The following LRP1B variants were observed in gnomAD, a reference collection of about 807,000 sequenced individuals.
LRP1B encodes LDL receptor related protein 1B.
Under a neutral mutation model 556.6 loss-of-function variants are expected in LRP1B, and 217 were observed. The ratio of observed to expected loss-of-function variants is 0.39; its 90% CI spans 0.35 to 0.44. The LOEUF (loss-of-function observed/expected upper bound fraction) is 0.44, where lower values mean the gene tolerates loss of function less well. LRP1B is among the 20% of genes least tolerant of loss of function. The pLI, the probability that LRP1B is intolerant of heterozygous loss-of-function variation, is 1.00. For synonymous variants in LRP1B, 2,047 were observed against 1,865.8 expected (o/e 1.10, Z -2.50); for missense variants, 5,053 against 5,620.8 (o/e 0.90, Z 3.23).
intron 3 of LRP1B, among the ~76,000 whole-genome samples, chr2:141,477,762 A>G (rs1320520080): frequency 6.6e-6 from 1 of 152,176 alleles, no homozygotes; most frequent in Non-Finnish European, 1.5e-5. Context: ...GTGCAAGGCC[A>G]GAAAAGAAGG....
rs111711501 is a variant in LRP1B, at chr2:140,499,006, G to A, written c.8850+2681C>T. On this transcript the variant is annotated intron_variant, in intron 55 of 90. Coordinates refer to ENST00000389484, the MANE Select transcript of LRP1B (RefSeq NM_018557.3). ...AGCAATTCTGTCTGATAACATATGCGCACACCTTGTGAAGGATTAAATACT... is the reference window on the plus strand; with the variant it reads ...AGCAATTCTGTCTGATAACATATGCACACACCTTGTGAAGGATTAAATACT... Among the ~76,000 whole-genome samples, 1,426 of 151,822 alleles carry A rather than the reference G, an allele frequency of 9.4e-3. 27 individuals carry two copies. The highest frequency in any genetic ancestry group is 0.032 in the African/African-American group (1,319 of 41,454).
chr2:141,866,996 T>C (rs1435254212), intron 1 of LRP1B, among the ~76,000 whole-genome samples: 1 of 152,126 alleles, frequency 6.6e-6, no homozygotes, highest in African/African-American at 2.4e-5. Flanking sequence ...TGGAAGTAGG[T>C]TTCTTTGGAC....
chr2:141,656,670 T>C (rs1690021573), intron 2 of LRP1B, among the ~76,000 whole-genome samples: 1 of 152,192 alleles, frequency 6.6e-6, no homozygotes, highest in Admixed American at 6.5e-5. Context: ...TTTTAAATGA[T>C]ATTTCAAAAT....
intron 62 of LRP1B, 73 bp downstream of exon 62, chr2:140,456,382 C>A (rs2105321461): frequency 7.1e-7 from 1 of 1,407,428 alleles, no homozygotes. Context: ...AATGATCATT[C>A]AATGTTATGC....
At chr2:140,839,958 G>T (rs780805434) in intron 31 of LRP1B, 33 bp downstream of exon 31, 27 of 1,348,224 alleles carry the variant, frequency 2.0e-5, no homozygotes, top group Non-Finnish European at 2.7e-5. Context: ...TTGTCACATT[G>T]AAAACTTGGT....
chr2:140,452,524 G>A (rs1223306652), intron 62 of LRP1B, among the ~76,000 whole-genome samples: 6 of 152,114 alleles, frequency 3.9e-5, no homozygotes, highest in African/African-American at 1.4e-4. Flanking sequence ...ATTTCTAAAT[G>A]TTGAGATGAC....
intron 18 of LRP1B, among the ~76,000 whole-genome samples, chr2:140,972,170 C>A (rs1696445247): frequency 6.6e-6 from 1 of 152,064 alleles, no homozygotes; most frequent in African/African-American, 2.4e-5. Flanking sequence ...CGAAATAATG[C>A]CACATGCATG....
Position 140,522,182 on chromosome 2 carries a change from G to T in LRP1B, c.8026+3662C>A, listed in dbSNP as rs146872727. On this transcript the variant is annotated intron_variant, in intron 49 of 90. Coordinates refer to ENST00000389484, the MANE Select transcript of LRP1B (RefSeq NM_018557.3). ...TACTCTAAAGTTAACCACAGGTGTG[G>T]TCATAAAACAAGTCTCAATAAATTT... Among the ~76,000 whole-genome samples the T allele has an allele frequency of 9.4e-3, 1,423 of 152,008 alleles. 19 individuals are homozygous for T. The highest frequency in any genetic ancestry group is 0.031 in the African/African-American group (1,269 of 41,482).
At chr2:141,690,399 AT>A (rs1344927970) in intron 2 of LRP1B, among the ~76,000 whole-genome samples, 55,704 of 98,272 alleles carry the variant, frequency 0.57, 16,867 homozygotes, top group East Asian at 0.64. Context: ...ATCTATAAAT[AT>A]ATATATATAT....
At chr2:140,741,547 T>G (rs534138766) in intron 35 of LRP1B, among the ~76,000 whole-genome samples, 1 of 152,152 alleles carries the variant, frequency 6.6e-6, no homozygotes, top group East Asian at 1.9e-4. Flanking sequence ...AAATTGCATA[T>G]CACAGGAGTT....
chr2:141,058,838 T>C (rs2105462287), intron 9 of LRP1B, 45 bp downstream of exon 9: 1 of 1,485,232 alleles, frequency 6.7e-7, no homozygotes, highest in Non-Finnish European at 9.1e-7. Context: ...TATATCCCCA[T>C]TCAATCTACC....
At chr2:142,123,743 A>G (rs1297551873) in intron 1 of LRP1B, among the ~76,000 whole-genome samples, 1 of 151,622 alleles carries the variant, frequency 6.6e-6, no homozygotes, top group Non-Finnish European at 1.5e-5. Flanking sequence ...TGTAAAGGAT[A>G]TAGTTATAAT....
rs1232355820 is a variant in LRP1B, at chr2:140,450,621, T to C, written c.10004A>G (p.Lys3335Arg). 1 of 1,613,240 alleles carries C rather than the reference T, an allele frequency of 6.2e-7. No individual in the cohort carries two copies. The highest frequency in any genetic ancestry group is 1.7e-5 in the Admixed American group (1 of 59,860). ...ACCACAGTCATCCACGGTGTCACAT[T>C]TCCACCAGAATGGAATACATTTGTC... ...KTDKCIPFWW[K>R]CDTVDDCGDG... Residue 3335 changes from lysine (K) to arginine (R), a missense_variant, in exon 63 of 91, where the codon AAA becomes AGA. Physicochemically the swap from Lys to Arg is conservative, Grantham distance 26. Transcript: ENST00000389484.
At chr2:141,203,086 T>A (rs933512387) in intron 6 of LRP1B, among the ~76,000 whole-genome samples, 19 of 152,064 alleles carry the variant, frequency 1.2e-4, no homozygotes, top group Non-Finnish European at 2.1e-4. Context: ...TGCAAAAACA[T>A]AGCAAATTGT....
At chr2:141,278,182 A>T (rs1685374162) in intron 3 of LRP1B, among the ~76,000 whole-genome samples, 1 of 152,114 alleles carries the variant, frequency 6.6e-6, no homozygotes, top group Non-Finnish European at 1.5e-5. Flanking sequence ...AAAGTTTCTG[A>T]AGGAGAGGTA....
At chr2:141,261,822 G>T (rs1684702153) in intron 3 of LRP1B, among the ~76,000 whole-genome samples, 1 of 151,948 alleles carries the variant, frequency 6.6e-6, no homozygotes, top group Non-Finnish European at 1.5e-5. Flanking sequence ...TTCCAGTTTG[G>T]AGTTACTATG....
chr2:140,784,422 A>ACACACACACACACACACAC (rs1559117335), intron 32 of LRP1B, among the ~76,000 whole-genome samples: 2 of 149,074 alleles, frequency 1.3e-5, no homozygotes, highest in East Asian at 2.0e-4. Context: ...ACACACACAC[A>ACACACACACACACACACAC]AAAGGCTCAG....
intron 41 of LRP1B, chr2:140,683,301 G>A: frequency 2.4e-6 from 1 of 414,974 alleles, no homozygotes; most frequent in East Asian, 6.2e-5. Flanking sequence ...CACCTTCAAA[G>A]GAAAAGAGAT....
At chr2:140,968,975 G>C (rs1469005735) in intron 18 of LRP1B, among the ~76,000 whole-genome samples, 2 of 152,196 alleles carry the variant, frequency 1.3e-5, no homozygotes, top group Non-Finnish European at 2.9e-5. Flanking sequence ...TGGAATAAGT[G>C]TGATGTGGTG....
Sources: allele counts gnomAD v4.1 joint callset (sites outside exome capture counted in the v4.1 genomes callset), GRCh38; gene constraint gnomAD v4.1.1; transcripts MANE v1.5; gene names NCBI Gene and HGNC (gene_info 2026-07-23, HGNC 2026-07-21).